The following SH2D1A variants were observed in gnomAD, a reference collection of about 807,000 sequenced individuals.
SH2D1A encodes SH2 domain-containing protein 1A.
A neutral mutation model predicts 10.1 loss-of-function variants in SH2D1A; 6 were observed. The ratio of observed to expected loss-of-function variants is 0.60; its 90% confidence interval spans 0.33 to 1.18. SH2D1A has a LOEUF of 1.18. SH2D1A is among the 50% of genes most tolerant of loss of function. The pLI is 0.04. For synonymous variants in SH2D1A, 42 were observed against 36.9 expected (o/e 1.14, Z -0.51); for missense variants, 51 against 97.6 (o/e 0.52, Z 2.01).
At chrX:124,352,623 C>A (rs1458136506) in intron 1 of SH2D1A, among the ~76,000 whole-genome samples, 1 of 111,532 alleles carries the variant, frequency 9.0e-6, no homozygotes, top group Non-Finnish European at 1.9e-5. Context: ...TTTTTAATGG[C>A]CAGATAGTAT....
rs760492011 is a variant in SH2D1A, at chrX:124,353,915, A to C, written c.137+7136A>C. Among the ~76,000 whole-genome samples, 6 of 112,366 alleles carry C rather than the reference A, an allele frequency of 5.3e-5. No individual in the cohort carries two copies. In the South Asian group the frequency reaches 2.2e-3, roughly 41 times the overall value. On this transcript the variant is annotated intron_variant, in intron 1 of 3. Transcript: ENST00000371139. ...CCTGTCAAACAACTGAACTGGAGAA[A>C]TGGGGGAGGAGCAGTGATGAAATAA... is the stretch of plus-strand genomic sequence containing the variant.
intron 1 of SH2D1A, among the ~76,000 whole-genome samples, chrX:124,352,521 C>T (rs1434979326): frequency 8.9e-6 from 1 of 111,932 alleles, no homozygotes; most frequent in Non-Finnish European, 1.9e-5. Flanking sequence ...AGTGAGAACA[C>T]ATGATATTTG....
intron 1 of SH2D1A, among the ~76,000 whole-genome samples, chrX:124,361,058 C>T (rs1166723268): frequency 9.0e-6 from 1 of 111,648 alleles, no homozygotes; most frequent in African/African-American, 3.3e-5. Context: ...GGAGATAATG[C>T]ATGTGCTAGA....
intron 1 of SH2D1A, among the ~76,000 whole-genome samples, chrX:124,350,196 TATATA>T (rs1347788893): frequency 1.4e-4 from 9 of 62,411 alleles, no homozygotes; most frequent in Admixed American, 1.4e-3. Context: ...AATATATAAA[TATATA>T]ATATAAAATA....
chrX:124,360,445 TAA>T (rs752399450), intron 1 of SH2D1A, among the ~76,000 whole-genome samples: 171 of 31,987 alleles, frequency 5.3e-3, no homozygotes, highest in Non-Finnish European at 6.8e-3. Context: ...CTGCAAAAAC[TAA>T]AAAAAAAAAA....
At chrX:124,357,082 T>G (rs1335436283) in intron 1 of SH2D1A, among the ~76,000 whole-genome samples, 1 of 111,465 alleles carries the variant, frequency 9.0e-6, no homozygotes, top group African/African-American at 3.3e-5. Flanking sequence ...TCTCTTGAAC[T>G]TTTTCCTCCT....
At chrX:124,351,040 T>A (rs1158162259) in intron 1 of SH2D1A, among the ~76,000 whole-genome samples, 6 of 90,547 alleles carry the variant, frequency 6.6e-5, no homozygotes, top group South Asian at 9.0e-4. Context: ...ATATATATAT[T>A]TTATATATAT....
intron 1 of SH2D1A, among the ~76,000 whole-genome samples, chrX:124,353,927 C>T (rs2060020937): frequency 8.9e-6 from 1 of 111,853 alleles, no homozygotes; most frequent in Non-Finnish European, 1.9e-5. Flanking sequence ...GGGGGAGGAG[C>T]AGTGATGAAA....
intron 1 of SH2D1A, among the ~76,000 whole-genome samples, chrX:124,355,181 G>A (rs1397943372): frequency 1.8e-5 from 2 of 112,487 alleles, no homozygotes; most frequent in Non-Finnish European, 1.9e-5. Context: ...TTTCTTTTGT[G>A]TAGTACTTGA....
intron 1 of SH2D1A, among the ~76,000 whole-genome samples, chrX:124,355,187 C>G (rs2060023353): frequency 1.8e-5 from 2 of 112,107 alleles, no homozygotes; most frequent in East Asian, 5.6e-4. Context: ...TTGTGTAGTA[C>G]TTGACGTGGT....
At chrX:124,366,096 T>A (rs928076301) in intron 2 of SH2D1A, among the ~76,000 whole-genome samples, 7 of 19,813 alleles carry the variant, frequency 3.5e-4, no homozygotes, top group African/African-American at 1.8e-3. Flanking sequence ...CTATGTGAAA[T>A]CTTAGCATAT....
chrX:124,350,990 TATA>T (rs2060012887), intron 1 of SH2D1A, among the ~76,000 whole-genome samples: 5 of 42,105 alleles, frequency 1.2e-4, no homozygotes, highest in African/African-American at 8.4e-4. Flanking sequence ...ATATATTATA[TATA>T]TATTATAAAT....
chrX:124,347,037 G>A (rs1168026766), intron 1 of SH2D1A, among the ~76,000 whole-genome samples: 1 of 109,335 alleles, frequency 9.1e-6, no homozygotes, highest in Non-Finnish European at 1.9e-5. Context: ...GGCAGCTGCA[G>A]AGAATGCCAT....
chrX:124,357,801 G>T (rs984846485), intron 1 of SH2D1A, among the ~76,000 whole-genome samples: 1 of 109,208 alleles, frequency 9.2e-6, no homozygotes, highest in Admixed American at 9.8e-5. Flanking sequence ...TGTCTATTCT[G>T]GTCCTTTGCC....
chrX:124,371,689 A>C lies in SH2D1A; in HGVS notation c.*298A>C. On this transcript the variant is annotated 3_prime_UTR_variant, in exon 4 of 4. Transcript: ENST00000371139. ...AAAGGATTAATGTCAATTCTTGCCA[A>C]ATATAAATAAAAATAATCCTCAGTT... is the stretch of plus-strand genomic sequence containing the variant. The C allele has an allele frequency of 5.1e-6, 1 of 197,063 alleles. No individual in the cohort carries two copies. Among genetic ancestry groups the C allele is most frequent in the Non-Finnish European group, 9.4e-6 (1 of 106,932 alleles). 16.2% of individuals were successfully genotyped at this position (197,063 alleles called of 1,213,427 possible).
rs991915431 is a variant in SH2D1A, at chrX:124,371,903, CAA to C, written c.*514_*515del. 5.1e-5 allele frequency: 8 copies of C among 156,300 alleles called. No individual in the cohort carries two copies. Among genetic ancestry groups the C allele is most frequent in the African/African-American group, 2.5e-4 (8 of 32,605 alleles). The allele number at this position is 156,300 out of a possible 1,213,427, so 12.9% of individuals were successfully genotyped here. A position where few individuals can be genotyped will look rare whatever the true frequency, so the allele number is the denominator to read the frequency against. ...ACTGTGTGCTAAAACAAGCACTAAA[CAA>C]AGAGTGAAGGATTTATGTTTAATTC... On this transcript the variant is annotated 3_prime_UTR_variant, in exon 4 of 4. Transcript: ENST00000371139.
Position 124,350,992 on chromosome X carries a change from TA to T in SH2D1A, c.137+4214del, listed in dbSNP as rs1365711117. On this transcript the variant is annotated intron_variant, in intron 1 of 3. Coordinates refer to ENST00000371139, the MANE Select transcript of SH2D1A (RefSeq NM_002351.5). ...TATATAAGATATAATATATTATATATATATTATAAATATGTATATTTTTATA... is the reference window on the plus strand; with the variant it reads ...TATATAAGATATAATATATTATATATTATTATAAATATGTATATTTTTATA... Among the ~76,000 whole-genome samples, 3 of 40,115 alleles carry T rather than the reference TA, an allele frequency of 7.5e-5. 1 individual carries two copies. Among genetic ancestry groups the T allele is most frequent in the African/African-American group, 6.1e-4 (2 of 3,273 alleles). 34.8% of individuals were successfully genotyped at this position (40,115 alleles called of 115,157 possible). A position where few individuals can be genotyped will look rare whatever the true frequency, so the allele number is the denominator to read the frequency against.
In SH2D1A at chrX:124,372,624, CAGAT is replaced by C. The variant is rs1397936870; in HGVS notation, c.*1240_*1243del. ...TGTAGGTAGATCTGGTCTTTAGAGGCAGATAGATAGGTCAGTGCAAATACTCTGG... is the reference window on the plus strand; with the variant it reads ...TGTAGGTAGATCTGGTCTTTAGAGGCAGATAGGTCAGTGCAAATACTCTGG... On this transcript the variant is annotated 3_prime_UTR_variant, in exon 4 of 4. Transcript: ENST00000371139. 3 of 168,756 alleles carry C rather than the reference CAGAT, an allele frequency of 1.8e-5. No homozygotes were observed. Among genetic ancestry groups the C allele is most frequent in the Non-Finnish European group, 2.3e-5 (2 of 87,937 alleles). The allele number at this position is 168,756 out of a possible 1,213,427, so 13.9% of individuals were successfully genotyped here.
At chrX:124,369,522 T>C (rs1369136018) in intron 2 of SH2D1A, among the ~76,000 whole-genome samples, 2 of 112,034 alleles carry the variant, frequency 1.8e-5, no homozygotes, top group Admixed American at 1.9e-4. Flanking sequence ...CTTGTTACAG[T>C]GACGTGCTGA....
Sources: gnomAD v4.1 joint callset for allele counts (sites outside exome capture counted in the v4.1 genomes callset) on GRCh38, gnomAD v4.1.1 for gene constraint, MANE v1.5 for transcripts, NCBI Gene and HGNC (gene_info 2026-07-23, HGNC 2026-07-21) for gene names.